ATXN7: variants seen among roughly 807,000 people sequenced by gnomAD.
The protein encoded by ATXN7 is ataxin 7.
Under a neutral mutation model 70.5 loss-of-function variants are expected in ATXN7, and 12 were observed. The ratio of observed to expected loss-of-function variants is 0.17; its 90% CI spans 0.11 to 0.28. The LOEUF (loss-of-function observed/expected upper bound fraction) is 0.28. Among genes scored for constraint, ATXN7 ranks in the 10% least tolerant of loss-of-function variants. The pLI is 1.00. For missense variants in ATXN7, 1,256 were observed against 1,131.7 expected, an observed-to-expected ratio of 1.11 and a Z score of -1.58; for synonymous variants, 498 against 448.7, an observed-to-expected ratio of 1.11 and a Z score of -1.39.
At chr3:63,971,118 C>T (rs542209232) in intron 5 of ATXN7, among the ~76,000 whole-genome samples, 1 of 152,184 alleles carries the variant, frequency 6.6e-6, no homozygotes, top group Admixed American at 6.5e-5. Context: ...TGAAATCATC[C>T]TTTTCAGTTA....
intron 1 of ATXN7, chr3:63,865,525 G>C (rs1377486623): frequency 2.0e-5 from 3 of 152,288 alleles, no homozygotes; most frequent in East Asian, 3.9e-4. Flanking sequence ...ACTACAGATT[G>C]TAAACTGAAA....
intron 2 of ATXN7, among the ~76,000 whole-genome samples, 172 bp from the exon 3 acceptor site, chr3:63,912,416 G>T (rs1460485542): frequency 1.3e-5 from 2 of 151,486 alleles, no homozygotes; most frequent in African/African-American, 2.4e-5. Flanking sequence ...CTTTGAGCCC[G>T]GGGCGGGGGG....
At chr3:63,888,844 C>T (rs1017291647) in intron 1 of ATXN7, among the ~76,000 whole-genome samples, 6 of 152,272 alleles carry the variant, frequency 3.9e-5, no homozygotes, top group Admixed American at 6.5e-5. Context: ...TTCCTATTAT[C>T]CTCACAGTCC....
At chr3:63,903,274 C>T (rs748615917) in intron 2 of ATXN7, among the ~76,000 whole-genome samples, 9 of 151,480 alleles carry the variant, frequency 5.9e-5, no homozygotes, top group Non-Finnish European at 1.2e-4. Context: ...GTAGTCCCAC[C>T]TACCCCGGAG....
chr3:63,998,018 T>G, intron 12 of ATXN7: 1 of 985,390 alleles, frequency 1.0e-6, no homozygotes, highest in South Asian at 4.7e-5. Context: ...CAGTCCAATA[T>G]AAACACAGAA....
chr3:63,934,465 A>C (rs553153505), intron 4 of ATXN7, among the ~76,000 whole-genome samples: 7 of 152,194 alleles, frequency 4.6e-5, no homozygotes, highest in African/African-American at 1.7e-4. Flanking sequence ...AAAATTGAAT[A>C]GGGGTGGGGC....
chr3:63,884,124 G>T (rs1170269860), intron 1 of ATXN7, among the ~76,000 whole-genome samples: 1 of 151,972 alleles, frequency 6.6e-6, no homozygotes, highest in Non-Finnish European at 1.5e-5. Flanking sequence ...ATTAAAAGGA[G>T]ATTCTGTGCC....
At chr3:63,948,900 C>T (rs539670368) in intron 4 of ATXN7, among the ~76,000 whole-genome samples, 1 of 152,148 alleles carries the variant, frequency 6.6e-6, no homozygotes, top group East Asian at 1.9e-4. Flanking sequence ...CGTTTAGAAT[C>T]CATTAATTCA....
intron 4 of ATXN7, among the ~76,000 whole-genome samples, chr3:63,929,063 T>C (rs557151764): frequency 2.6e-5 from 4 of 152,218 alleles, no homozygotes; most frequent in Admixed American, 2.6e-4. Context: ...AATGGTTAAC[T>C]CTGAGAAAGC....
Position 63,913,153 on chromosome 3 carries a change from C to G in ATXN7, c.326-4C>G, listed in dbSNP as rs1016418817. 8 of 1,613,566 alleles carry G rather than the reference C, an allele frequency of 5.0e-6. No individual in the cohort carries two copies. Among genetic ancestry groups the G allele is most frequent in the African/African-American group, 1.3e-5 (1 of 74,894 alleles). Reference sequence around the variant, plus strand: ...CCCTCCTCCTGTGTGTGTATATCTCCTAGGGACAGAATTGGACGAAAGTTT... The same window carrying G: ...CCCTCCTCCTGTGTGTGTATATCTCGTAGGGACAGAATTGGACGAAAGTTT... On this transcript the variant is annotated splice_polypyrimidine_tract_variant and splice_region_variant and intron_variant, in intron 3 of 12. Coordinates refer to ENST00000674280, the MANE Select transcript of ATXN7 (RefSeq NM_001377405.1).
intron 11 of ATXN7, among the ~76,000 whole-genome samples, chr3:63,994,799 C>T (rs76372599): frequency 0.023 from 3,576 of 152,250 alleles, 74 homozygotes; most frequent in African/African-American, 0.059. Flanking sequence ...GTTACTGTCA[C>T]ATTTAAGATT....
At chr3:63,880,728 A>G (rs1208676522) in intron 1 of ATXN7, among the ~76,000 whole-genome samples, 1 of 152,206 alleles carries the variant, frequency 6.6e-6, no homozygotes, top group East Asian at 1.9e-4. Flanking sequence ...CTGACCTTCT[A>G]GACAAAATTC....
intron 1 of ATXN7, among the ~76,000 whole-genome samples, chr3:63,875,780 T>A (rs777753171): frequency 2.0e-5 from 3 of 152,220 alleles, no homozygotes; most frequent in Non-Finnish European, 4.4e-5. Context: ...CACTTTTGTT[T>A]AATTAAGGTC....
intron 5 of ATXN7, among the ~76,000 whole-genome samples, chr3:63,963,967 T>TA (rs2075175544): frequency 6.6e-6 from 1 of 152,168 alleles, no homozygotes; most frequent in Admixed American, 6.6e-5. Context: ...TTTATATCTC[T>TA]ACCAGCCACT....
chr3:63,911,910 T>G (rs1704027693), intron 2 of ATXN7: 1 of 152,396 alleles, frequency 6.6e-6, no homozygotes, highest in Admixed American at 6.5e-5. Flanking sequence ...AAGTGCCCCC[T>G]GCACCAGCCT....
chr3:63,966,465 C>T (rs1293341353), intron 5 of ATXN7, among the ~76,000 whole-genome samples: 1 of 152,136 alleles, frequency 6.6e-6, no homozygotes, highest in Non-Finnish European at 1.5e-5. Context: ...GATGTATCCT[C>T]ATCCTGTGCT....
intron 5 of ATXN7, among the ~76,000 whole-genome samples, chr3:63,975,450 G>C (rs771433384): frequency 5.9e-5 from 9 of 152,118 alleles, no homozygotes; most frequent in Non-Finnish European, 1.3e-4. Context: ...TTTTTAAAAA[G>C]CTTGACATAT....
At chr3:63,891,881 A>T (rs1703277861) in intron 1 of ATXN7, among the ~76,000 whole-genome samples, 1 of 152,208 alleles carries the variant, frequency 6.6e-6, no homozygotes, top group Non-Finnish European at 1.5e-5. Context: ...AGAGGTGGGT[A>T]GAATAATTAA....
chr3:63,996,102 T>C lies in ATXN7; in HGVS notation c.2280T>C (p.Cys760=), dbSNP rs753282336. 1.2e-6 allele frequency: 2 copies of C among 1,613,992 alleles called. No individual in the cohort carries two copies. Among genetic ancestry groups the C allele is most frequent in the Non-Finnish European group, 1.7e-6 (2 of 1,180,028 alleles). ...VTSSHSIGLN[C]VTNKANAVNV... ...CTTCCCATAGCATCGGCCTCAACTG[T>C]GTGACGAATAAAGCAAATGCGGTGA... The change falls in exon 12 of 13, where the codon TGT becomes TGC. Residue 760 remains cysteine, a synonymous_variant. Coordinates refer to ENST00000674280, the MANE Select transcript of ATXN7 (RefSeq NM_001377405.1).
Sources: gnomAD v4.1 joint callset for allele counts (sites outside exome capture counted in the v4.1 genomes callset) on GRCh38, gnomAD v4.1.1 for gene constraint, MANE v1.5 for transcripts, NCBI Gene and HGNC (gene_info 2026-07-23, HGNC 2026-07-21) for gene names.